Variants in KLF12 observed in about 807,000 individuals in gnomAD.
KLF12 encodes the protein KLF transcription factor 12.
KLF12 carries 9 observed loss-of-function variants against 37.8 expected under a neutral mutation model. The observed-to-expected ratio is 0.24, with a 90% CI of 0.14 to 0.42. The LOEUF is 0.42. Among genes scored for constraint, KLF12 ranks in the 10% least tolerant of loss-of-function variants. KLF12 has a pLI of 1.00. For synonymous variants in KLF12, 208 were observed against 202.1 expected (o/e 1.03, Z -0.25); for missense variants, 411 against 516.0 (o/e 0.80, Z 1.97).
At chr13:73,840,360 C>T (rs1423756789) in intron 4 of KLF12, among the ~76,000 whole-genome samples, 3 of 152,126 alleles carry the variant, frequency 2.0e-5, no homozygotes, top group African/African-American at 7.2e-5. Context: ...GAGATGATCC[C>T]TAGTGGTACC....
chr13:74,124,333 T>C (rs1360097246), intron 1 of KLF12, among the ~76,000 whole-genome samples: 2 of 152,244 alleles, frequency 1.3e-5, no homozygotes, highest in Admixed American at 1.3e-4. Flanking sequence ...ACACTTCTGA[T>C]AAACTGCAAC....
chr13:73,730,490 G>T (rs900149367), intron 6 of KLF12, among the ~76,000 whole-genome samples: 3 of 152,028 alleles, frequency 2.0e-5, no homozygotes, highest in African/African-American at 7.2e-5. Context: ...GGAGGAATCT[G>T]GTGCCAGCTA....
Position 73,875,957 on chromosome 13 carries a change from T to C in KLF12, c.124-29584A>G, listed in dbSNP as rs149743898. On this transcript the variant is annotated intron_variant, in intron 3 of 7. Coordinates refer to ENST00000377669, the MANE Select transcript of KLF12 (RefSeq NM_007249.5). Reference sequence around the variant, plus strand: ...TTCATGTTTAGGTGTGTAAACCACATATGACTATACTTTTAAATTCAAACT... The same window carrying C: ...TTCATGTTTAGGTGTGTAAACCACACATGACTATACTTTTAAATTCAAACT... Among the ~76,000 whole-genome samples, 3 of 152,320 alleles carry C rather than the reference T, an allele frequency of 2.0e-5. No individual in the cohort carries two copies. The East Asian group carries it at 5.8e-4, about 29-fold the overall frequency.
At chr13:74,209,303 A>G in the KLF12 span, among the ~76,000 whole-genome samples, 145 of 151,824 alleles carry the variant, frequency 9.6e-4, 1 homozygote, top group Non-Finnish European at 3.1e-4. Context: ...AGGGCCAAAC[A>G]CCCAGTTCTC....
chr13:73,751,640 C>T (rs1382018431), intron 6 of KLF12, among the ~76,000 whole-genome samples: 3 of 151,950 alleles, frequency 2.0e-5, no homozygotes, highest in Admixed American at 6.6e-5. Context: ...ATTTTGTAGA[C>T]GAGGAATGAG....
chr13:73,911,751 G>A (rs999183609), intron 3 of KLF12, among the ~76,000 whole-genome samples: 3 of 152,166 alleles, frequency 2.0e-5, no homozygotes, highest in Admixed American at 2.0e-4. Context: ...CAGATAATAA[G>A]ACAGTACAAA....
At chr13:74,146,784 G>T in the KLF12 span, among the ~76,000 whole-genome samples, 2 of 152,144 alleles carry the variant, frequency 1.3e-5, no homozygotes, top group Non-Finnish European at 2.9e-5. Flanking sequence ...CAATGGGGTA[G>T]GTGAAATCGT....
chr13:73,817,949 A>G (rs1012300969), intron 4 of KLF12, among the ~76,000 whole-genome samples: 3 of 152,238 alleles, frequency 2.0e-5, no homozygotes, highest in Non-Finnish European at 4.4e-5. Flanking sequence ...TTCTCCTCCC[A>G]AGAACCAACC....
At chr13:74,280,028 T>A in the KLF12 span, among the ~76,000 whole-genome samples, 2 of 152,188 alleles carry the variant, frequency 1.3e-5, no homozygotes, top group African/African-American at 4.8e-5. Context: ...TAATATTTCT[T>A]GTTAGCAGCC....
the KLF12 span, among the ~76,000 whole-genome samples, chr13:74,245,301 CTATCT>C: frequency 8.3e-6 from 1 of 120,340 alleles, no homozygotes; most frequent in South Asian, 2.5e-4. Context: ...GTTTATCTAT[CTATCT>C]ATCTATCTAT....
the KLF12 span, among the ~76,000 whole-genome samples, chr13:74,140,287 C>T: frequency 6.6e-6 from 1 of 152,006 alleles, no homozygotes; most frequent in African/African-American, 2.4e-5. Context: ...CTTTGGGAAG[C>T]GGAAGTGACA....
At chr13:73,755,619 CTT>C (rs59024911) in intron 6 of KLF12, among the ~76,000 whole-genome samples, 2 of 79,722 alleles carry the variant, frequency 2.5e-5, no homozygotes, top group African/African-American at 8.9e-5. Context: ...CACTTTCTCT[CTT>C]TTTTTTTTTA....
chr13:74,242,129 G>A, the KLF12 span, among the ~76,000 whole-genome samples: 1 of 152,296 alleles, frequency 6.6e-6, no homozygotes, highest in East Asian at 1.9e-4. Context: ...CTACTTACAG[G>A]AAGTATAGAT....
the KLF12 span, chr13:74,260,036 A>G: frequency 6.6e-6 from 1 of 152,322 alleles, no homozygotes; most frequent in South Asian, 2.1e-4. Context: ...AAATATATTA[A>G]AGGTGGAGGC....
the KLF12 span, among the ~76,000 whole-genome samples, chr13:74,159,213 GT>G: frequency 2.0e-5 from 3 of 152,174 alleles, no homozygotes; most frequent in Admixed American, 2.0e-4. Flanking sequence ...ATATAACCCT[GT>G]GTGGCAAACA....
At chr13:74,266,712 C>T in the KLF12 span, among the ~76,000 whole-genome samples, 1 of 152,148 alleles carries the variant, frequency 6.6e-6, no homozygotes, top group South Asian at 2.1e-4. Context: ...GATGCTTCTT[C>T]CTGATTTCCT....
intron 3 of KLF12, among the ~76,000 whole-genome samples, chr13:73,852,647 C>A (rs1019231525): frequency 6.6e-6 from 1 of 151,386 alleles, no homozygotes; most frequent in South Asian, 2.1e-4. Context: ...CGTGGTGGCG[C>A]GTGCCTGTAA....
At chr13:74,278,479 A>C in the KLF12 span, among the ~76,000 whole-genome samples, 2,815 of 152,220 alleles carry the variant, frequency 0.018, 104 homozygotes, top group African/African-American at 0.065. Context: ...TCCACAAGGG[A>C]ATCTGTCAGC....
At position 73,702,428 on chromosome 13, in the gene KLF12, G is replaced by A. The variant is rs1283966841; in HGVS notation, c.1028-6757C>T. Among the ~76,000 whole-genome samples, 4 of 152,134 alleles carry A rather than the reference G, an allele frequency of 2.6e-5. No homozygotes were observed. The East Asian group carries it at 7.7e-4, about 29-fold the overall frequency. ...CTCCCATTTCGCCATCTGAAATGCT[G>A]AAAGGTACATGTGTACTGAGACAAA... On this transcript the variant is annotated intron_variant, in intron 7 of 7. Coordinates refer to ENST00000377669, the MANE Select transcript of KLF12 (RefSeq NM_007249.5).
Sources: allele counts gnomAD v4.1 joint callset (sites outside exome capture counted in the v4.1 genomes callset), GRCh38; gene constraint gnomAD v4.1.1; transcripts MANE v1.5; gene names NCBI Gene and HGNC (gene_info 2026-07-23, HGNC 2026-07-21).